MEF2C: variants seen among roughly 807,000 people sequenced by gnomAD.
MEF2C encodes myocyte-specific enhancer factor 2C.
A neutral mutation model predicts 50.5 loss-of-function variants in MEF2C; 6 were observed. That is an observed-to-expected ratio of 0.12 (90% CI 0.07 to 0.23). The LOEUF (loss-of-function observed/expected upper bound fraction) is 0.23, where lower values mean the gene tolerates loss of function less well. Ranked by LOEUF, MEF2C falls within the 10% of genes least tolerant of loss-of-function variation. The probability of loss-of-function intolerance (pLI) is 1.00; values close to 1 mark genes in which losing one functional copy is unlikely to be tolerated. For missense variants in MEF2C, 276 were observed against 605.0 expected, an observed-to-expected ratio of 0.46 and a Z score of 5.70; for synonymous variants, 183 against 228.0, an observed-to-expected ratio of 0.80 and a Z score of 1.78.
At chr5:88,801,389 C>T (rs1037139486) in intron 3 of MEF2C, among the ~76,000 whole-genome samples, 24 of 152,076 alleles carry the variant, frequency 1.6e-4, no homozygotes, top group African/African-American at 5.8e-4. Context: ...ATTCTAAGAA[C>T]GAATTCAAAT....
intron 10 of MEF2C, among the ~76,000 whole-genome samples, chr5:88,728,088 T>C (rs1759711720): frequency 6.6e-6 from 1 of 152,046 alleles, no homozygotes; most frequent in African/African-American, 2.4e-5. Flanking sequence ...ATTGACTAGT[T>C]GTTCCTATGT....
chr5:88,758,412 C>G (rs1321137051), intron 4 of MEF2C, among the ~76,000 whole-genome samples: 1 of 152,136 alleles, frequency 6.6e-6, no homozygotes, highest in Non-Finnish European at 1.5e-5. Context: ...CTGCTCGACA[C>G]AGTTCCAAAT....
At position 88,827,671 on chromosome 5, in the gene MEF2C, G is replaced by A. The variant is rs541051721; in HGVS notation, c.-142-3741C>T. 2.6e-5 allele frequency among the ~76,000 whole-genome samples: 4 copies of A among 151,976 alleles called. No homozygotes were observed. The South Asian group carries it at 8.3e-4, about 31-fold the overall frequency. On this transcript the variant is annotated intron_variant, in intron 1 of 10. Transcript: ENST00000504921. ...ATGAAAATAAGAAAACAAACACATT[G>A]ACTTCATTGAAATAGCAGATATATC...
At chr5:88,789,615 A>T (rs938567484) in intron 3 of MEF2C, among the ~76,000 whole-genome samples, 3 of 152,162 alleles carry the variant, frequency 2.0e-5, no homozygotes, top group African/African-American at 7.2e-5. Context: ...TTTAATTGAT[A>T]TGAAGAGGTT....
Position 88,879,669 on chromosome 5 carries a change from T to C in MEF2C, c.-143+3286A>G, listed in dbSNP as rs531213722. 2.1e-3 allele frequency among the ~76,000 whole-genome samples: 320 copies of C among 152,206 alleles called. 3 individuals are homozygous for C. Among genetic ancestry groups the C allele is most frequent in the African/African-American group, 7.4e-3 (307 of 41,546 alleles). ...ATGTAAGCAGACAATTTAATGTTTG[T>C]TCATAAAGAAATGATGGAACTTAAA... On this transcript the variant is annotated intron_variant, in intron 1 of 10. Coordinates refer to ENST00000504921, the MANE Select transcript of MEF2C (RefSeq NM_002397.5).
intron 3 of MEF2C, among the ~76,000 whole-genome samples, chr5:88,792,610 A>G (rs572346682): frequency 7.9e-5 from 12 of 152,324 alleles, no homozygotes; most frequent in Non-Finnish European, 1.3e-4. Flanking sequence ...GTGATGATCA[A>G]TGCATTCTGT....
intron 6 of MEF2C, chr5:88,733,120 T>A (rs990841607): frequency 1.0e-6 from 1 of 985,142 alleles, no homozygotes; most frequent in Admixed American, 6.2e-5. Context: ...TTAAGTGTTA[T>A]TGAGTTCCCG....
chr5:88,755,389 G>A lies in MEF2C; in HGVS notation c.403-3346C>T, dbSNP rs964626358. Among the ~76,000 whole-genome samples, 3 of 152,174 alleles carry A rather than the reference G, an allele frequency of 2.0e-5. No individual in the cohort carries two copies. The East Asian group carries it at 5.8e-4, about 29-fold the overall frequency. On this transcript the variant is annotated intron_variant, in intron 4 of 10. Coordinates refer to ENST00000504921, the MANE Select transcript of MEF2C (RefSeq NM_002397.5). ...CCAAAGTCATCTAACTAGTGACTGA[G>A]TCTGTTGCTTTTGCTACCAAACACT...
At chr5:88,868,976 A>G (rs987929035) in intron 1 of MEF2C, among the ~76,000 whole-genome samples, 7 of 151,920 alleles carry the variant, frequency 4.6e-5, no homozygotes, top group African/African-American at 1.2e-4. Context: ...TAAAACAAGG[A>G]TTCCTTTTTC....
At chr5:88,791,779 C>T (rs1463648486) in intron 3 of MEF2C, among the ~76,000 whole-genome samples, 2 of 151,884 alleles carry the variant, frequency 1.3e-5, no homozygotes, top group Non-Finnish European at 2.9e-5. Flanking sequence ...ATATTATTTA[C>T]AGGTACTAAT....
At chr5:88,772,686 C>T (rs532039928) in intron 3 of MEF2C, 34 of 957,494 alleles carry the variant, frequency 3.6e-5, no homozygotes, top group Non-Finnish European at 3.7e-5. Flanking sequence ...CCACATAATA[C>T]GTGACATTCA....
At chr5:88,807,481 G>A (rs1581027174) in intron 2 of MEF2C, among the ~76,000 whole-genome samples, 1 of 152,050 alleles carries the variant, frequency 6.6e-6, no homozygotes, top group South Asian at 2.1e-4. Context: ...CGATCCTCCC[G>A]CTTAAGCCTT....
At chr5:88,816,981 A>G (rs1805745533) in intron 2 of MEF2C, among the ~76,000 whole-genome samples, 1 of 151,962 alleles carries the variant, frequency 6.6e-6, no homozygotes. Flanking sequence ...TAATTCTTCT[A>G]CAGTATTTAA....
intron 7 of MEF2C, 38 bp from the exon 8 acceptor site, chr5:88,730,272 C>T (rs376051411): frequency 5.9e-5 from 92 of 1,557,152 alleles, no homozygotes; most frequent in Non-Finnish European, 7.2e-5. Flanking sequence ...AATTAGTGTC[C>T]GTAAATATTT....
intron 6 of MEF2C, chr5:88,737,925 T>G (rs1764789811): frequency 2.1e-5 from 21 of 985,154 alleles, no homozygotes; most frequent in Non-Finnish European, 2.5e-5. Flanking sequence ...AAATTTGTGT[T>G]AGGAAAGGAA....
chr5:88,742,945 A>G (rs1188667449), intron 6 of MEF2C: 2 of 973,348 alleles, frequency 2.1e-6, no homozygotes, highest in Non-Finnish European at 2.4e-6. Context: ...TATCATTGTT[A>G]CTTAATTTCA....
At chr5:88,898,104 T>A (rs1365958506) in intron 1 of MEF2C, among the ~76,000 whole-genome samples, 1 of 152,166 alleles carries the variant, frequency 6.6e-6, no homozygotes, top group Non-Finnish European at 1.5e-5. Context: ...TCTCCGTTTG[T>A]TATTCACTCC....
At chr5:88,750,017 G>A (rs376161643) in intron 5 of MEF2C, 8 of 253,918 alleles carry the variant, frequency 3.2e-5, no homozygotes, top group Non-Finnish European at 4.3e-5. Flanking sequence ...GCAACACAGC[G>A]AGACTCCGTC....
intron 3 of MEF2C, among the ~76,000 whole-genome samples, chr5:88,796,299 T>A (rs1297830962): frequency 1.3e-5 from 2 of 152,212 alleles, no homozygotes; most frequent in Admixed American, 1.3e-4. Context: ...GCCTATTAAT[T>A]ACTGCCTCAA....
Sources: gnomAD v4.1 joint callset for allele counts (sites outside exome capture counted in the v4.1 genomes callset) on GRCh38, gnomAD v4.1.1 for gene constraint, MANE v1.5 for transcripts, NCBI Gene and HGNC (gene_info 2026-07-23, HGNC 2026-07-21) for gene names.